Variants in KCNIP4 observed in about 807,000 individuals in gnomAD.
The protein encoded by KCNIP4 is potassium voltage-gated channel interacting protein 4.
Under a neutral mutation model 34.0 loss-of-function variants are expected in KCNIP4, and 12 were observed. The ratio of observed to expected loss-of-function variants is 0.35; its 90% CI spans 0.23 to 0.57. The LOEUF is 0.57. Among genes scored for constraint, KCNIP4 ranks in the 20% least tolerant of loss-of-function variants. The pLI, the probability that KCNIP4 is intolerant of heterozygous loss-of-function variation, is 0.83. For missense variants in KCNIP4, 238 were observed against 311.7 expected (o/e 0.76, Z 1.78); for synonymous variants, 124 against 102.2 (o/e 1.21, Z -1.29).
chr4:21,498,035 A>G (rs1403932508), intron 1 of KCNIP4, among the ~76,000 whole-genome samples: 1 of 152,158 alleles, frequency 6.6e-6, no homozygotes, highest in African/African-American at 2.4e-5. Context: ...TCCTTCAGAA[A>G]GCCCTGGCTT....
intron 1 of KCNIP4, among the ~76,000 whole-genome samples, chr4:21,128,843 ACTGAATT>A (rs1230202398): frequency 6.6e-6 from 1 of 152,198 alleles, no homozygotes; most frequent in Admixed American, 6.5e-5. Flanking sequence ...TGTGTTAAGA[ACTGAATT>A]CTGTGTGATA....
intron 1 of KCNIP4, among the ~76,000 whole-genome samples, chr4:21,790,851 C>A (rs1338291461): frequency 6.6e-6 from 1 of 150,662 alleles, no homozygotes; most frequent in Non-Finnish European, 1.5e-5. Flanking sequence ...ACAACAGAAG[C>A]TGAAAAGGTA....
chr4:20,906,514 TAA>T (rs1418813504), intron 1 of KCNIP4, among the ~76,000 whole-genome samples: 1 of 152,154 alleles, frequency 6.6e-6, no homozygotes, highest in African/African-American at 2.4e-5. Context: ...CCACTAGACA[TAA>T]GAGATACAAG....
intron 1 of KCNIP4, among the ~76,000 whole-genome samples, chr4:20,905,446 A>G (rs1397931946): frequency 1.3e-5 from 2 of 150,782 alleles, no homozygotes; most frequent in Admixed American, 6.6e-5. Flanking sequence ...CCATGCATGA[A>G]TTTCATAAAA....
At chr4:20,869,079 TA>T (rs1560529822) in intron 2 of KCNIP4, among the ~76,000 whole-genome samples, 1 of 152,130 alleles carries the variant, frequency 6.6e-6, no homozygotes, top group East Asian at 1.9e-4. Context: ...CCTTAGAAAG[TA>T]GGCAGTACAC....
At chr4:21,248,752 T>G (rs1760472571) in intron 1 of KCNIP4, among the ~76,000 whole-genome samples, 1 of 152,170 alleles carries the variant, frequency 6.6e-6, no homozygotes, top group Non-Finnish European at 1.5e-5. Flanking sequence ...TATAAGGGCT[T>G]AACATATATT....
intron 1 of KCNIP4, among the ~76,000 whole-genome samples, chr4:21,436,452 G>A (rs186461563): frequency 1.3e-5 from 2 of 152,086 alleles, no homozygotes; most frequent in Non-Finnish European, 1.5e-5. Context: ...TCTCTCCCTT[G>A]GTGTAAGGAT....
intron 1 of KCNIP4, among the ~76,000 whole-genome samples, chr4:21,869,793 G>GACAC (rs1478031904): frequency 5.9e-5 from 9 of 151,756 alleles, no homozygotes; most frequent in Admixed American, 5.9e-4. Context: ...TAGACAGACA[G>GACAC]ACAGATAGAT....
intron 1 of KCNIP4, among the ~76,000 whole-genome samples, chr4:21,939,786 T>C (rs764214212): frequency 3.3e-5 from 5 of 152,156 alleles, no homozygotes; most frequent in Non-Finnish European, 7.3e-5. Flanking sequence ...ATGGAAAAAG[T>C]GATTTAAAAT....
chr4:20,906,314 C>CT (rs1187192241), intron 1 of KCNIP4, among the ~76,000 whole-genome samples: 3 of 152,130 alleles, frequency 2.0e-5, no homozygotes, highest in African/African-American at 7.2e-5. Context: ...CATGTGCCCC[C>CT]TCCCTTATCA....
intron 1 of KCNIP4, among the ~76,000 whole-genome samples, chr4:21,797,635 AT>A (rs1720709303): frequency 6.6e-6 from 1 of 152,006 alleles, no homozygotes; most frequent in Admixed American, 6.6e-5. Context: ...TCATTGTTAT[AT>A]TTGGGTTGTA....
chr4:20,743,429 C>T (rs980851600), intron 5 of KCNIP4, among the ~76,000 whole-genome samples: 4 of 152,034 alleles, frequency 2.6e-5, no homozygotes, highest in Admixed American at 6.6e-5. Context: ...GAGATATAGA[C>T]CAATGGAACA....
intron 1 of KCNIP4, among the ~76,000 whole-genome samples, chr4:21,321,711 A>AAGGGAGGGAGGGAGAG: frequency 1.7e-5 from 1 of 60,184 alleles, no homozygotes; most frequent in Non-Finnish European, 3.6e-5. Flanking sequence ...GGAAGGAGAG[A>AAGGGAGGGAGGGAGAG]AGGAAGGCAG....
At position 21,397,920 on chromosome 4, in the gene KCNIP4, A is replaced by G. The variant is rs181332909; in HGVS notation, c.62-515211T>C. On this transcript the variant is annotated intron_variant, in intron 1 of 8. Transcript: ENST00000382152. ...ATGTTATTCTAAGATGACTGGGTAC[A>G]GAAAATCTCGTCAGCTCTTACTTAA... Among the ~76,000 whole-genome samples, 13 of 152,356 alleles carry G rather than the reference A, an allele frequency of 8.5e-5. No homozygotes were observed. In the East Asian group the frequency reaches 2.3e-3, roughly 27 times the overall value.
intron 1 of KCNIP4, among the ~76,000 whole-genome samples, chr4:20,970,211 G>T (rs2149675610): frequency 6.6e-6 from 1 of 152,306 alleles, no homozygotes; most frequent in Non-Finnish European, 1.5e-5. Flanking sequence ...AAAGTGCTGG[G>T]ATTACAGGTG....
At chr4:20,857,838 G>A (rs1721766482) in intron 2 of KCNIP4, among the ~76,000 whole-genome samples, 1 of 152,048 alleles carries the variant, frequency 6.6e-6, no homozygotes, top group Non-Finnish European at 1.5e-5. Flanking sequence ...GTCCTATGGT[G>A]GACTGAATTG....
In KCNIP4 at chr4:21,829,901, TAGAGGAAGAAAGAAAA is replaced by T. The variant is rs1722878697; in HGVS notation, c.61+118654_61+118669del. Among the ~76,000 whole-genome samples, 4 of 150,910 alleles carry T rather than the reference TAGAGGAAGAAAGAAAA, an allele frequency of 2.7e-5. No homozygotes were observed. The South Asian group carries it at 8.5e-4, about 32-fold the overall frequency. On this transcript the variant is annotated intron_variant, in intron 1 of 8. Transcript: ENST00000382152. ...ATACCAATAAAAATTAACCTAATAG[TAGAGGAAGAAAGAAAA>T]AGAGGAAGAAAGGAACAAAAGATCT...
intron 3 of KCNIP4, among the ~76,000 whole-genome samples, chr4:20,844,132 C>G (rs6818504): frequency 0.034 from 5,177 of 152,226 alleles, 230 homozygotes; most frequent in East Asian, 0.21. Flanking sequence ...TCCAGAGAAT[C>G]TAAGCCATTG....
intron 1 of KCNIP4, among the ~76,000 whole-genome samples, chr4:21,884,579 A>T (rs1426060382): frequency 6.6e-6 from 1 of 152,058 alleles, no homozygotes; most frequent in Non-Finnish European, 1.5e-5. Flanking sequence ...AAATTTTGTT[A>T]TTTACAATCA....
Sources: gnomAD v4.1 joint callset for allele counts (sites outside exome capture counted in the v4.1 genomes callset) on GRCh38, gnomAD v4.1.1 for gene constraint, MANE v1.5 for transcripts, NCBI Gene and HGNC (gene_info 2026-07-23, HGNC 2026-07-21) for gene names.